GABRR1: variants seen among roughly 807,000 people sequenced by gnomAD.
The protein encoded by GABRR1 is gamma-aminobutyric acid type A receptor subunit rho1, also known as gamma-aminobutyric acid receptor subunit rho-1.
GABRR1 carries 59 observed loss-of-function variants against 55.5 expected under a neutral mutation model. That is an observed-to-expected ratio of 1.06 (90% CI 0.86 to 1.32). The LOEUF (loss-of-function observed/expected upper bound fraction) is 1.32, where lower values mean the gene tolerates loss of function less well. GABRR1 is among the 40% of genes most tolerant of loss of function. GABRR1 has a pLI of 0.00. For missense variants in GABRR1, 602 were observed against 619.1 expected (o/e 0.97, Z 0.29); for synonymous variants, 213 against 226.0 (o/e 0.94, Z 0.51).
chr6:89,226,159 A>C (rs903852419), intron 1 of GABRR1, among the ~76,000 whole-genome samples: 1 of 151,458 alleles, frequency 6.6e-6, no homozygotes, highest in African/African-American at 2.4e-5. Flanking sequence ...TAGATTCTGG[A>C]TATTAGCCTT....
intron 2 of GABRR1, among the ~76,000 whole-genome samples, chr6:89,201,668 A>G (rs1293816894): frequency 6.6e-6 from 1 of 151,808 alleles, no homozygotes; most frequent in Admixed American, 6.6e-5. Flanking sequence ...GGTCCCAGCT[A>G]CTCGGGAGGC....
chr6:89,207,321 A>T (rs1167882551), intron 1 of GABRR1, among the ~76,000 whole-genome samples: 1 of 151,964 alleles, frequency 6.6e-6, no homozygotes, highest in Admixed American at 6.6e-5. Flanking sequence ...CAGCTTCCTG[A>T]GTAGCTGGGA....
chr6:89,199,722 T>G (rs1240305635), intron 3 of GABRR1, among the ~76,000 whole-genome samples: 1 of 152,178 alleles, frequency 6.6e-6, no homozygotes, highest in Non-Finnish European at 1.5e-5. Flanking sequence ...ACTGACGTCT[T>G]AGCATGAGGT....
In GABRR1 at chr6:89,180,483, T is replaced by G; in HGVS notation, c.955A>C (p.Thr319Pro). The change falls in exon 9 of 10, where the codon ACA (threonine) becomes CCA (proline). Residue 319 changes from threonine to proline, a missense_variant. Transcript: ENST00000454853. ...ATGGTGGACATGGTCAGCACCGTTG[T>G]GATACCTGCAAACACAAGAATGAGA... The part of the protein sequence containing the change: ...AVPARVPLGI[T>P]TVLTMSTIIT... 1.2e-6 allele frequency: 2 copies of G among 1,612,686 alleles called. No homozygotes were observed. The highest frequency in any genetic ancestry group is 1.7e-6 in the Non-Finnish European group (2 of 1,179,514).
At chr6:89,205,712 A>G (rs1286427645) in intron 1 of GABRR1, 1 of 152,342 alleles carries the variant, frequency 6.6e-6, no homozygotes, top group Non-Finnish European at 1.5e-5. Context: ...CGAGCATCTG[A>G]TAAGTTACAC....
At chr6:89,183,242 T>C (rs1483014291) in intron 7 of GABRR1, among the ~76,000 whole-genome samples, 1 of 151,812 alleles carries the variant, frequency 6.6e-6, no homozygotes, top group Non-Finnish European at 1.5e-5. Flanking sequence ...CAATATGAAC[T>C]TGGAAACTTG....
At chr6:89,183,146 G>GAA (rs66539825) in intron 7 of GABRR1, among the ~76,000 whole-genome samples, 1 of 128,560 alleles carries the variant, frequency 7.8e-6, no homozygotes, top group Non-Finnish European at 1.6e-5. Context: ...GAGGATGATG[G>GAA]AAAAAAAAAA....
chr6:89,220,338 G>A (rs577010720), upstream of GABRR1, among the ~76,000 whole-genome samples: 4 of 152,188 alleles, frequency 2.6e-5, no homozygotes, highest in South Asian at 2.1e-4. Context: ...CAGGACAGGC[G>A]GTACCAGCTG....
chr6:89,217,284 A>G lies in GABRR1; in HGVS notation c.39T>C (p.Leu13=). 6.2e-7 allele frequency: 1 copy of G among 1,614,170 alleles called. No homozygotes were observed. The highest frequency in any genetic ancestry group is 8.5e-7 in the Non-Finnish European group (1 of 1,180,030). ...TGGCCAAAACCCATCCCCACCACAA[A>G]AGAAAGATGCCAAATCTCATATTTG... ...AVPNMRFGIF[L]LWWGWVLATE... Residue 13 remains leucine, a synonymous_variant, in exon 1 of 10, where the codon CTT becomes CTC. Coordinates refer to ENST00000454853, the MANE Select transcript of GABRR1 (RefSeq NM_002042.5).
intron 1 of GABRR1, among the ~76,000 whole-genome samples, chr6:89,228,648 G>C (rs1175367482): frequency 8.2e-5 from 10 of 122,378 alleles, no homozygotes; most frequent in African/African-American, 3.3e-5. Context: ...TATAATCTCT[G>C]TTCTTTTACA....
chr6:89,191,255 G>A (rs1383936526), intron 5 of GABRR1, among the ~76,000 whole-genome samples: 1 of 152,168 alleles, frequency 6.6e-6, no homozygotes, highest in Non-Finnish European at 1.5e-5. Flanking sequence ...ATGTCTCCTG[G>A]AAATCCTGAT....
At chr6:89,197,390 T>C (rs78618125) in intron 5 of GABRR1, among the ~76,000 whole-genome samples, 4 of 152,216 alleles carry the variant, frequency 2.6e-5, no homozygotes, top group Admixed American at 6.5e-5. Flanking sequence ...TTGAGTACCA[T>C]GAGTTTCTAA....
chr6:89,225,537 A>G (rs1773187239), intron 1 of GABRR1, among the ~76,000 whole-genome samples: 1 of 133,114 alleles, frequency 7.5e-6, no homozygotes, highest in Non-Finnish European at 1.6e-5. Context: ...TTCTTGCGAT[A>G]GTTTACTGAG....
intron 5 of GABRR1, among the ~76,000 whole-genome samples, chr6:89,196,841 A>AAGAAAGAC (rs1554190845): frequency 1.9e-5 from 2 of 107,394 alleles, no homozygotes; most frequent in Non-Finnish European, 4.2e-5. Context: ...GAAAGAAAGA[A>AAGAAAGAC]AGAAAGAAAG....
chr6:89,181,127 T>C (rs142166671), intron 8 of GABRR1, among the ~76,000 whole-genome samples: 2 of 152,356 alleles, frequency 1.3e-5, no homozygotes, highest in African/African-American at 4.8e-5. Context: ...GTTCAAGCTA[T>C]GGAACAACTG....
chr6:89,202,985 A>G (rs1484162584), intron 2 of GABRR1, among the ~76,000 whole-genome samples: 2 of 152,212 alleles, frequency 1.3e-5, no homozygotes, highest in Non-Finnish European at 2.9e-5. Flanking sequence ...AAGTGCTGGT[A>G]TTACAGGCGT....
At chr6:89,229,230 T>C (rs1007919246) in intron 1 of GABRR1, among the ~76,000 whole-genome samples, 30 of 152,112 alleles carry the variant, frequency 2.0e-4, no homozygotes, top group African/African-American at 6.7e-4. Context: ...TGCCAGTCTG[T>C]GTCTTTTAAT....
At chr6:89,230,667 G>C (rs1230979526) in intron 1 of GABRR1, among the ~76,000 whole-genome samples, 1 of 151,450 alleles carries the variant, frequency 6.6e-6, no homozygotes, top group Non-Finnish European at 1.5e-5. Flanking sequence ...TCTCTTCAAA[G>C]CTGTCAGACA....
intron 1 of GABRR1, among the ~76,000 whole-genome samples, chr6:89,229,084 C>A (rs1377404874): frequency 1.3e-5 from 2 of 151,920 alleles, no homozygotes; most frequent in Non-Finnish European, 2.9e-5. Context: ...AGGATTGCAA[C>A]CCCTGCCTTT....
Sources: gnomAD v4.1 joint callset for allele counts (sites outside exome capture counted in the v4.1 genomes callset) on GRCh38, gnomAD v4.1.1 for gene constraint, MANE v1.5 for transcripts, NCBI Gene and HGNC (gene_info 2026-07-23, HGNC 2026-07-21) for gene names.